BACH2: variants seen among roughly 807,000 people sequenced by gnomAD.
BACH2 encodes BACH transcriptional regulator 2.
In BACH2, 5 loss-of-function variants were observed where a neutral mutation model predicts 61.8. That is an observed-to-expected ratio of 0.08 (90% CI 0.04 to 0.17). The LOEUF (loss-of-function observed/expected upper bound fraction) is 0.17. Among genes scored for constraint, BACH2 ranks in the 10% least tolerant of loss-of-function variants. BACH2 has a pLI of 1.00. For synonymous variants in BACH2, 446 were observed against 440.1 expected, an observed-to-expected ratio of 1.01 and a Z score of -0.17; for missense variants, 824 against 1,091.1, an observed-to-expected ratio of 0.76 and a Z score of 3.45.
intron 5 of BACH2, among the ~76,000 whole-genome samples, chr6:90,068,951 C>A (rs903350505): frequency 6.6e-6 from 1 of 152,160 alleles, no homozygotes; most frequent in Non-Finnish European, 1.5e-5. Flanking sequence ...CCAGTTTACA[C>A]CCCGGCACTA....
chr6:90,095,573 T>C (rs988558107), intron 4 of BACH2, among the ~76,000 whole-genome samples: 2 of 152,138 alleles, frequency 1.3e-5, no homozygotes, highest in African/African-American at 2.4e-5. Context: ...AAAGAGGTTA[T>C]CAGATTTTCA....
intron 6 of BACH2, among the ~76,000 whole-genome samples, chr6:90,004,321 T>C (rs1022974574): frequency 2.0e-5 from 3 of 152,118 alleles, no homozygotes; most frequent in African/African-American, 4.8e-5. Context: ...AAGCAAAAGA[T>C]AGTGAGCACA....
At chr6:90,083,482 G>A (rs1199228176) in intron 5 of BACH2, among the ~76,000 whole-genome samples, 1 of 152,016 alleles carries the variant, frequency 6.6e-6, no homozygotes, top group Admixed American at 6.6e-5. Context: ...AATCTGAAAT[G>A]GAATATTACA....
At chr6:90,150,889 G>A (rs1332398190) in intron 4 of BACH2, among the ~76,000 whole-genome samples, 3 of 152,198 alleles carry the variant, frequency 2.0e-5, no homozygotes, top group Non-Finnish European at 2.9e-5. Context: ...GTCAGTCAGC[G>A]GTGTTGCCTA....
chr6:90,237,916 C>T (rs1027423891), intron 3 of BACH2, among the ~76,000 whole-genome samples: 3 of 152,168 alleles, frequency 2.0e-5, no homozygotes, highest in Non-Finnish European at 4.4e-5. Context: ...CTCAAAGGAA[C>T]AGCAAATGAA....
chr6:90,245,329 A>T lies in BACH2; in HGVS notation c.-275+7184T>A, dbSNP rs1770596561. 2.0e-5 allele frequency among the ~76,000 whole-genome samples: 3 copies of T among 152,156 alleles called. No homozygotes were observed. The South Asian group carries it at 6.2e-4, about 32-fold the overall frequency. On this transcript the variant is annotated intron_variant, in intron 3 of 8. Transcript: ENST00000257749. ...ATTTCAACCAGGCTCAGTGGCTCACACTTGTAATCACAGTACTTTTGGAGG... is the reference window on the plus strand; with the variant it reads ...ATTTCAACCAGGCTCAGTGGCTCACTCTTGTAATCACAGTACTTTTGGAGG...
chr6:90,258,714 T>C (rs1189053965), intron 2 of BACH2, among the ~76,000 whole-genome samples: 1 of 152,112 alleles, frequency 6.6e-6, no homozygotes, highest in African/African-American at 2.4e-5. Context: ...TATCTTTCCA[T>C]TTTTTTGTGC....
At chr6:90,050,573 A>G (rs1239550748) in intron 5 of BACH2, among the ~76,000 whole-genome samples, 1 of 152,242 alleles carries the variant, frequency 6.6e-6, no homozygotes, top group East Asian at 1.9e-4. Flanking sequence ...GGGAAAATAC[A>G]AAACAATGCA....
chr6:90,072,911 A>AT (rs1190430743), intron 5 of BACH2, among the ~76,000 whole-genome samples: 1 of 152,226 alleles, frequency 6.6e-6, no homozygotes, highest in Non-Finnish European at 1.5e-5. Context: ...CGCTACTGAA[A>AT]AAACCCCTGA....
At chr6:90,160,055 A>G (rs1456129472) in intron 4 of BACH2, among the ~76,000 whole-genome samples, 3 of 152,232 alleles carry the variant, frequency 2.0e-5, no homozygotes, top group African/African-American at 7.2e-5. Flanking sequence ...TAAATTCAAC[A>G]TAAGCTTGCT....
chr6:90,165,042 T>C (rs1030042162), intron 4 of BACH2, among the ~76,000 whole-genome samples: 10 of 152,170 alleles, frequency 6.6e-5, no homozygotes, highest in Non-Finnish European at 1.3e-4. Context: ...TTATTCAACA[T>C]AGTGTTGGAA....
Position 89,951,241 on chromosome 6 carries a change from T to C in BACH2, c.865A>G (p.Ile289Val). 4.3e-6 allele frequency: 7 copies of C among 1,614,174 alleles called. No individual in the cohort carries two copies. The highest frequency in any genetic ancestry group is 5.9e-6 in the Non-Finnish European group (7 of 1,180,036). The change falls in exon 7 of 9, where the codon ATC (isoleucine) becomes GTC (valine). Residue 289 changes from isoleucine (I) to valine (V), a missense_variant. Ile to Val is a conservative substitution (Grantham distance 29). Around this residue, in one of 8 missense-constraint regions of BACH2, gnomAD observed 226 missense variants for 228.5 expected, o/e 0.99. Coordinates refer to ENST00000257749, the MANE Select transcript of BACH2 (RefSeq NM_021813.4). The surrounding 1 kb of genome is among the most constrained non-coding windows in gnomAD (Gnocchi z 6.4). ...PPSEENEEES[I>V]TLCLSGDEPD... ...TCATCTCCAGACAGGCAGAGCGTGA[T>C]GCTCTCTTCCTCATTCTCTTCACTG...
chr6:89,960,510 A>G (rs1774684288), intron 6 of BACH2, among the ~76,000 whole-genome samples: 1 of 152,368 alleles, frequency 6.6e-6, no homozygotes, highest in Non-Finnish European at 1.5e-5. Context: ...CTCTATCCAA[A>G]GAAGTCTGGC....
At chr6:89,949,965 G>T (rs535458124) in intron 7 of BACH2, among the ~76,000 whole-genome samples, 1 of 152,104 alleles carries the variant, frequency 6.6e-6, no homozygotes, top group East Asian at 1.9e-4. Flanking sequence ...AGGAGAAAGA[G>T]GGGGGTCTGG....
chr6:90,206,503 T>C lies in BACH2; in HGVS notation c.-162+66A>G, dbSNP rs1443051115. 2.6e-5 allele frequency: 4 copies of C among 152,334 alleles called. No individual in the cohort carries two copies. The East Asian group carries it at 7.6e-4, about 29-fold the overall frequency. The allele number at this position is 152,334 out of a possible 1,614,324, so 9.4% of individuals were successfully genotyped here. A position where few individuals can be genotyped will look rare whatever the true frequency, so the allele number is the denominator to read the frequency against. On this transcript the variant is annotated intron_variant, in intron 4 of 8. Coordinates refer to ENST00000257749, the MANE Select transcript of BACH2 (RefSeq NM_021813.4). Reference sequence around the variant, plus strand: ...CCTCTTCACATCATGGAAAGACATATGTACTCCAGAAAATCATGGTACCGT... The same window carrying C: ...CCTCTTCACATCATGGAAAGACATACGTACTCCAGAAAATCATGGTACCGT...
chr6:89,939,519 C>T (rs4706353), intron 7 of BACH2, among the ~76,000 whole-genome samples: 110,626 of 152,054 alleles, frequency 0.73, 40,395 homozygotes, highest in Admixed American at 0.76. Context: ...CAGGTACTTG[C>T]CAGCAAAATT....
chr6:90,207,914 T>C (rs1353276037), intron 3 of BACH2, among the ~76,000 whole-genome samples: 1 of 152,154 alleles, frequency 6.6e-6, no homozygotes, highest in Non-Finnish European at 1.5e-5. Flanking sequence ...ATTTACATTT[T>C]CAAAGATAAA....
chr6:90,009,917 G>A (rs1309511690), intron 5 of BACH2, among the ~76,000 whole-genome samples: 3 of 152,260 alleles, frequency 2.0e-5, no homozygotes, highest in Non-Finnish European at 1.5e-5. Context: ...CACCCGCCTC[G>A]GCCTCCCAAA....
chr6:89,957,426 C>T (rs191608842), intron 6 of BACH2, among the ~76,000 whole-genome samples: 2 of 152,340 alleles, frequency 1.3e-5, no homozygotes, highest in Admixed American at 6.5e-5. Context: ...GACAGGGTCT[C>T]CCTATGTTGC....
Sources: gnomAD v4.1 joint callset for allele counts (sites outside exome capture counted in the v4.1 genomes callset) on GRCh38, gnomAD v4.1.1 for gene constraint, gnomAD v4.1.1 regional missense constraint, Gnocchi (gnomAD v3.1) non-coding constraint, MANE v1.5 for transcripts, NCBI Gene and HGNC (gene_info 2026-07-23, HGNC 2026-07-21) for gene names.